Variants in GABRB1 observed in about 807,000 individuals in gnomAD.
GABRB1 encodes gamma-aminobutyric acid receptor subunit beta-1.
GABRB1 carries 17 observed loss-of-function variants against 51.6 expected under a neutral mutation model. That is an observed-to-expected ratio of 0.33 (90% CI 0.23 to 0.49). The LOEUF (loss-of-function observed/expected upper bound fraction) is 0.49, where lower values mean the gene tolerates loss of function less well. Among genes scored for constraint, GABRB1 ranks in the 20% least tolerant of loss-of-function variants. The pLI, the probability that GABRB1 is intolerant of heterozygous loss-of-function variation, is 0.99. For synonymous variants in GABRB1, 247 were observed against 218.9 expected (o/e 1.13, Z -1.14); for missense variants, 410 against 600.6 (o/e 0.68, Z 3.32).
chr4:47,201,624 T>C (rs1028140760), intron 4 of GABRB1, among the ~76,000 whole-genome samples: 1 of 152,182 alleles, frequency 6.6e-6, no homozygotes, highest in Non-Finnish European at 1.5e-5. Flanking sequence ...AGGTGCTATT[T>C]CTTAATCTGG....
chr4:47,328,852 G>A (rs753203171), intron 5 of GABRB1, among the ~76,000 whole-genome samples: 2 of 151,496 alleles, frequency 1.3e-5, no homozygotes, highest in Non-Finnish European at 2.9e-5. Context: ...CACCAACATG[G>A]CACATGTATA....
chr4:47,181,406 C>T (rs1250110853), intron 4 of GABRB1, among the ~76,000 whole-genome samples: 3 of 151,896 alleles, frequency 2.0e-5, no homozygotes, highest in Non-Finnish European at 4.4e-5. Flanking sequence ...TCTATTTATG[C>T]TTTTTACTCT....
At chr4:47,320,763 C>CTTTTTTTTTTTTT (rs1264288318) in intron 5 of GABRB1, among the ~76,000 whole-genome samples, 2 of 113,312 alleles carry the variant, frequency 1.8e-5, no homozygotes, top group African/African-American at 3.1e-5. Flanking sequence ...GTTTTCTTTT[C>CTTTTTTTTTTTTT]TTTTTTCTTT....
chr4:47,080,377 C>A (rs1254808746), intron 3 of GABRB1, among the ~76,000 whole-genome samples: 3 of 151,612 alleles, frequency 2.0e-5, no homozygotes, highest in Non-Finnish European at 4.4e-5. Context: ...TGTACATTTC[C>A]TTTTCCTTGT....
intron 5 of GABRB1, among the ~76,000 whole-genome samples, chr4:47,385,928 C>G (rs140489599): frequency 6.6e-6 from 1 of 152,182 alleles, no homozygotes; most frequent in Non-Finnish European, 1.5e-5. Context: ...GAAAGAGACA[C>G]ATAGGGCAAA....
intron 4 of GABRB1, among the ~76,000 whole-genome samples, chr4:47,249,365 T>C (rs970231496): frequency 9.2e-5 from 14 of 152,164 alleles, no homozygotes; most frequent in African/African-American, 2.7e-4. Flanking sequence ...CACTGTGACC[T>C]GAGAGAGTGC....
chr4:47,075,538 A>G (rs1727508820), intron 3 of GABRB1, among the ~76,000 whole-genome samples: 1 of 152,194 alleles, frequency 6.6e-6, no homozygotes, highest in Non-Finnish European at 1.5e-5. Flanking sequence ...AACAGTTGCA[A>G]CCAAGCCTCC....
chr4:47,164,805 C>T (rs904022951), intron 4 of GABRB1, among the ~76,000 whole-genome samples: 3 of 152,074 alleles, frequency 2.0e-5, no homozygotes, highest in Non-Finnish European at 2.9e-5. Context: ...TGTAAACACT[C>T]TGACATAACA....
At chr4:47,203,474 C>A (rs2109800162) in intron 4 of GABRB1, among the ~76,000 whole-genome samples, 1 of 152,142 alleles carries the variant, frequency 6.6e-6, no homozygotes, top group South Asian at 2.1e-4. Flanking sequence ...TTGCTGAATA[C>A]CCGGATATAT....
At chr4:47,346,339 A>T (rs1224975992) in intron 5 of GABRB1, among the ~76,000 whole-genome samples, 5 of 152,208 alleles carry the variant, frequency 3.3e-5, no homozygotes, top group Non-Finnish European at 5.9e-5. Context: ...GAAAAAGTCG[A>T]TTTGTCAGCA....
In GABRB1 at chr4:47,031,746, T is replaced by A; in HGVS notation, c.80+15T>A. The A allele has an allele frequency of 1.3e-6, 2 of 1,587,688 alleles. No homozygotes were observed. The highest frequency in any genetic ancestry group is 2.3e-5 in the East Asian group (1 of 44,110). On this transcript the variant is annotated intron_variant, in intron 1 of 8. Coordinates refer to ENST00000295454, the MANE Select transcript of GABRB1 (RefSeq NM_000812.4). The stretch of plus-strand genomic sequence containing the variant: ...TGTGCACACAGGTGAGCTGCTGTTG[T>A]TGAATCTCGCTCTCTCTCTCTCTCT...
chr4:47,195,390 TAGATGATAGATAGATAGATA>T (rs1719610077), intron 4 of GABRB1, among the ~76,000 whole-genome samples: 1 of 32,434 alleles, frequency 3.1e-5, no homozygotes, highest in Admixed American at 5.5e-4. Context: ...GATAGATAGA[TAGATGATAGATAGATAGATA>T]GATAGATAGA....
intron 4 of GABRB1, among the ~76,000 whole-genome samples, chr4:47,228,427 G>GA (rs891369603): frequency 8.7e-5 from 13 of 149,910 alleles, no homozygotes; most frequent in African/African-American, 1.2e-4. Context: ...AGAATTGAAA[G>GA]AAAAAAAAAT....
rs117471666 is a variant in GABRB1, at chr4:47,181,233, C to T, written c.461+19764C>T. Among the ~76,000 whole-genome samples, 115 of 151,900 alleles carry T rather than the reference C, an allele frequency of 7.6e-4. 1 individual carries two copies. The East Asian group carries it at 0.014, about 19-fold the overall frequency. On this transcript the variant is annotated intron_variant, in intron 4 of 8. Transcript: ENST00000295454. ...TAATAATATCTTTTCCTTTTTTGAA[C>T]GGAATCCTAGGCATTTCTTCAACTT...
At chr4:47,340,456 C>T (rs932676394) in intron 5 of GABRB1, among the ~76,000 whole-genome samples, 1 of 152,078 alleles carries the variant, frequency 6.6e-6, no homozygotes, top group Non-Finnish European at 1.5e-5. Context: ...AGGTTATACA[C>T]AGCAGAAATT....
At chr4:47,396,067 C>T (rs551334625) in intron 5 of GABRB1, among the ~76,000 whole-genome samples, 25 of 152,212 alleles carry the variant, frequency 1.6e-4, no homozygotes, top group Admixed American at 1.1e-3. Flanking sequence ...TCTGTTTTCA[C>T]GCTGCTGATA....
intron 3 of GABRB1, among the ~76,000 whole-genome samples, chr4:47,114,313 C>G (rs968037565): frequency 6.6e-6 from 1 of 152,078 alleles, no homozygotes; most frequent in African/African-American, 2.4e-5. Flanking sequence ...TCAGAAGGTT[C>G]TGGATTCTGG....
intron 1 of GABRB1, among the ~76,000 whole-genome samples, chr4:47,010,115 G>A (rs1349465755): frequency 1.3e-5 from 2 of 152,084 alleles, no homozygotes; most frequent in Non-Finnish European, 1.5e-5. Flanking sequence ...CTTTGCTTTG[G>A]TGCATACTCA....
At chr4:47,016,264 A>C (rs1383862949) in intron 1 of GABRB1, among the ~76,000 whole-genome samples, 1 of 152,188 alleles carries the variant, frequency 6.6e-6, no homozygotes, top group Non-Finnish European at 1.5e-5. Context: ...AAAAGCCAAA[A>C]ATTCTTTAGA....
Sources: gnomAD v4.1 joint callset for allele counts (sites outside exome capture counted in the v4.1 genomes callset) on GRCh38, gnomAD v4.1.1 for gene constraint, MANE v1.5 for transcripts, NCBI Gene and HGNC (gene_info 2026-07-23, HGNC 2026-07-21) for gene names.